The following RESF1 variants were observed in gnomAD, a reference collection of about 807,000 sequenced individuals.
RESF1 encodes the protein gonad expressed transcript.
A neutral mutation model predicts 134.7 loss-of-function variants in RESF1; 65 were observed. That is an observed-to-expected ratio of 0.48 (90% CI 0.40 to 0.59). RESF1 has a LOEUF of 0.59. RESF1 is among the 20% of genes least tolerant of loss of function. The pLI is 0.00. For synonymous variants in RESF1, 762 were observed against 702.2 expected, an observed-to-expected ratio of 1.09 and a Z score of -1.35; for missense variants, 2,274 against 2,002.7, an observed-to-expected ratio of 1.14 and a Z score of -2.59.
Position 31,984,681 on chromosome 12 carries a change from A to G in RESF1, c.3726A>G (p.Pro1242=), listed in dbSNP as rs755128348. The part of the protein sequence containing the change: ...KSLVNNPKTP[P]DGKSHFPELQ... ...TTGTAAATAATCCAAAGACTCCTCC[A>G]GATGGGAAAAGTCATTTTCCTGAAC... is the stretch of plus-strand genomic sequence containing the variant. Residue 1242 remains proline (P), a synonymous_variant, in exon 4 of 6, where the codon CCA becomes CCG. Transcript: ENST00000312561. 5.0e-6 allele frequency: 8 copies of G among 1,588,428 alleles called. No homozygotes were observed. The highest frequency in any genetic ancestry group is 6.8e-6 in the Non-Finnish European group (8 of 1,173,604).
chr12:31,984,436 G>T lies in RESF1; in HGVS notation c.3481G>T (p.Val1161Leu). Residue 1161 changes from valine (V) to leucine (L), a missense_variant, in exon 4 of 6, where the codon GTG (valine) becomes TTG (leucine). Transcript: ENST00000312561. ...APAAGQSRDSVILDSEKDDIH... is the reference protein window; with the variant it reads ...APAAGQSRDSLILDSEKDDIH... ...TGCAGCTGGACAAAGTCGTGATTCT[G>T]TGATACTGGACTCTGAGAAAGATGA... 6.2e-7 allele frequency: 1 copy of T among 1,614,200 alleles called. No homozygotes were observed. The highest frequency in any genetic ancestry group is 1.7e-5 in the Admixed American group (1 of 60,028).
intron 3 of RESF1, among the ~76,000 whole-genome samples, chr12:31,978,387 AT>A (rs1939685525): frequency 6.6e-6 from 1 of 151,008 alleles, no homozygotes; most frequent in African/African-American, 2.4e-5. Context: ...TACTCCTAAT[AT>A]TTTTTTCTTT....
At chr12:31,977,776 A>G (rs1460030011) in intron 3 of RESF1, among the ~76,000 whole-genome samples, 1 of 140,900 alleles carries the variant, frequency 7.1e-6, no homozygotes, top group Non-Finnish European at 1.6e-5. Flanking sequence ...GATTGTATTG[A>G]CTCTTAATTA....
At chr12:31,971,115 C>G (rs117622358) in intron 3 of RESF1, among the ~76,000 whole-genome samples, 2,505 of 152,254 alleles carry the variant, frequency 0.016, 38 homozygotes, top group Admixed American at 0.025. Flanking sequence ...TTGTCTTAGT[C>G]TGTTTTGTCT....
intron 2 of RESF1, among the ~76,000 whole-genome samples, chr12:31,963,186 A>G (rs1359453755): frequency 6.6e-6 from 1 of 152,042 alleles, no homozygotes; most frequent in African/African-American, 2.4e-5. Context: ...TAACAGGTGA[A>G]ACCCCAAAAT....
chr12:31,977,365 G>A (rs1475034441), intron 3 of RESF1, among the ~76,000 whole-genome samples: 1 of 152,082 alleles, frequency 6.6e-6, no homozygotes, highest in Non-Finnish European at 1.5e-5. Context: ...ATTTTTAGTA[G>A]AGACGGGGGC....
intron 2 of RESF1, among the ~76,000 whole-genome samples, chr12:31,967,574 GT>G (rs895505049): frequency 3.3e-5 from 5 of 151,724 alleles, no homozygotes; most frequent in African/African-American, 9.7e-5. Context: ...TTGGTTTTTT[GT>G]TTTTTTTAAT....
Position 31,985,639 on chromosome 12 carries a change from A to T in RESF1, c.4684A>T (p.Ser1562Cys). Residue 1562 changes from serine to cysteine, a missense_variant, in exon 4 of 6, where the codon AGC becomes TGC. Transcript: ENST00000312561. ...TAAATTAGACAAATTAACCAATATA[A>T]GCAACGAAGCTCAATTCAGCCAAAT... ...KTKLDKLTNI[S>C]NEAQFSQMPP... 2 of 1,612,528 alleles carry T rather than the reference A, an allele frequency of 1.2e-6. No homozygotes were observed. Among genetic ancestry groups the T allele is most frequent in the Non-Finnish European group, 1.7e-6 (2 of 1,179,622 alleles).
At chr12:31,991,799 T>G (rs1940097224) in intron 5 of RESF1, among the ~76,000 whole-genome samples, 1 of 152,170 alleles carries the variant, frequency 6.6e-6, no homozygotes, top group African/African-American at 2.4e-5. Context: ...CTGCTTGCCT[T>G]GGCCTCCCAG....
rs543947931 is a variant in RESF1, at chr12:31,977,794, T to C, written c.-78-3084T>C. 3.0e-5 allele frequency among the ~76,000 whole-genome samples: 4 copies of C among 133,524 alleles called. No homozygotes were observed. In the South Asian group the frequency reaches 9.8e-4, roughly 33 times the overall value. The allele number at this position is 133,524 out of a possible 152,430, so 87.6% of individuals were successfully genotyped here. A position where few individuals can be genotyped will look rare whatever the true frequency, so the allele number is the denominator to read the frequency against. ...TGTATTGACTCTTAATTACTTTTTC[T>C]TTCTTTCTTTTTTTTTTTTTTTTTT... On this transcript the variant is annotated intron_variant, in intron 3 of 5. Coordinates refer to ENST00000312561, the MANE Select transcript of RESF1 (RefSeq NM_018169.4).
chr12:31,981,433 G>C lies in RESF1; in HGVS notation c.478G>C (p.Asp160His), dbSNP rs747314367. 2 of 1,614,108 alleles carry C rather than the reference G, an allele frequency of 1.2e-6. No homozygotes were observed. The highest frequency in any genetic ancestry group is 1.7e-6 in the Non-Finnish European group (2 of 1,180,006). The change falls in exon 4 of 6, where the codon GAT becomes CAT. Residue 160 changes from aspartate (D) to histidine (H), a missense_variant. By Grantham distance (81) the Asp-to-His change is moderately conservative (BLOSUM62 -1). Transcript: ENST00000312561. ...ACTACAGAGTCAACTGATAACATCA[G>C]ATACCTATTCTATGCAAATGCAGAT... is the stretch of plus-strand genomic sequence containing the variant. ...PALQSQLITS[D>H]TYSMQMQMIP...
intron 4 of RESF1, among the ~76,000 whole-genome samples, chr12:31,986,849 A>T (rs1939983336): frequency 6.6e-6 from 1 of 152,184 alleles, no homozygotes; most frequent in East Asian, 1.9e-4. Context: ...AGATAGGGAT[A>T]TATTCATTTT....
rs776047026 is a variant in RESF1, at chr12:31,981,080, A to C, written c.125A>C (p.Tyr42Ser). 1.9e-6 allele frequency: 3 copies of C among 1,614,198 alleles called. No homozygotes were observed. In the South Asian group the frequency reaches 3.3e-5, roughly 18 times the overall value. The change falls in exon 4 of 6, where the codon TAT (tyrosine) becomes TCT (serine). Residue 42 changes from tyrosine to serine, a missense_variant. Tyr to Ser is a moderately radical substitution (Grantham distance 144). Coordinates refer to ENST00000312561, the MANE Select transcript of RESF1 (RefSeq NM_018169.4). ...ITTTSQSSFS[Y>S]PGSNQEACMY... ...ACAACATCTCAGAGTTCTTTCAGCT[A>C]TCCTGGAAGTAACCAAGAAGCATGC... is the stretch of plus-strand genomic sequence containing the variant.
At chr12:31,961,998 A>G (rs573759529) in intron 2 of RESF1, among the ~76,000 whole-genome samples, 1 of 152,326 alleles carries the variant, frequency 6.6e-6, no homozygotes, top group East Asian at 1.9e-4. Flanking sequence ...TGGGGCAGGC[A>G]GATCACTTGA....
In RESF1 at chr12:31,984,310, C is replaced by T. The variant is rs1477285493; in HGVS notation, c.3355C>T (p.Pro1119Ser). 1.2e-6 allele frequency: 2 copies of T among 1,613,648 alleles called. No homozygotes were observed. The highest frequency in any genetic ancestry group is 1.1e-5 in the South Asian group (1 of 91,028). The change falls in exon 4 of 6, where the codon CCT becomes TCT. Residue 1119 changes from proline to serine, a missense_variant. Coordinates refer to ENST00000312561, the MANE Select transcript of RESF1 (RefSeq NM_018169.4). Reference protein sequence around the residue: ...LSSEQMKEIFPEQDDQPYVVD... With the variant: ...LSSEQMKEIFSEQDDQPYVVD... ...CTCAGAGCAAATGAAAGAAATATTT[C>T]CTGAACAGGATGATCAACCCTATGT...
chr12:31,966,055 C>T lies in RESF1; in HGVS notation c.-246-4134C>T, dbSNP rs114798888. On this transcript the variant is annotated intron_variant, in intron 2 of 5. Transcript: ENST00000312561. ...ATTTAAGATCACCAGACCTCTAGTA[C>T]ACGGTGTGTCCAATCTTTTGGCTTC... Among the ~76,000 whole-genome samples the T allele has an allele frequency of 4.7e-3, 712 of 152,246 alleles. 5 individuals carry two copies. The highest frequency in any genetic ancestry group is 0.016 in the African/African-American group (660 of 41,532).
chr12:31,971,704 T>G (rs1316413935), intron 3 of RESF1, among the ~76,000 whole-genome samples: 1 of 152,104 alleles, frequency 6.6e-6, no homozygotes, highest in Non-Finnish European at 1.5e-5. Flanking sequence ...TGCTAATGAG[T>G]TGACTTATGG....
chr12:31,966,907 C>T (rs1372585577), intron 2 of RESF1, among the ~76,000 whole-genome samples: 2 of 152,100 alleles, frequency 1.3e-5, no homozygotes, highest in Non-Finnish European at 2.9e-5. Context: ...ACCGTGGTGC[C>T]CTGATGACTT....
rs751063406 is a variant in RESF1, at chr12:31,985,186, T to C, written c.4231T>C (p.Leu1411=). The C allele has an allele frequency of 2.0e-5, 31 of 1,569,322 alleles. No individual in the cohort carries two copies. Among genetic ancestry groups the C allele is most frequent in the African/African-American group, 2.8e-5 (2 of 72,480 alleles). ...VGATFKLGDS[L]SNPNERAIVK... ...AGCTACATTCAAATTAGGTGACTCT[T>C]TGTCAAACCCAAACGAAAGAGCCAT... Residue 1411 remains leucine, a synonymous_variant, in exon 4 of 6, where the codon TTG becomes CTG. Transcript: ENST00000312561.
Sources: allele counts gnomAD v4.1 joint callset (sites outside exome capture counted in the v4.1 genomes callset), GRCh38; gene constraint gnomAD v4.1.1; transcripts MANE v1.5; gene names NCBI Gene and HGNC (gene_info 2026-07-23, HGNC 2026-07-21).